TRIM67: variants seen among roughly 807,000 people sequenced by gnomAD.
TRIM67 encodes the protein tripartite motif containing 67, also known as tripartite motif-containing protein 67.
In TRIM67, 39 loss-of-function variants were observed where a neutral mutation model predicts 71.0. The observed-to-expected ratio is 0.55, with a 90% CI of 0.43 to 0.72. The LOEUF (loss-of-function observed/expected upper bound fraction) is 0.72. Ranked by LOEUF, TRIM67 falls within the 30% of genes least tolerant of loss-of-function variation. The pLI is 0.00. For synonymous variants in TRIM67, 481 were observed against 473.9 expected (o/e 1.01, Z -0.19); for missense variants, 973 against 1,079.2 (o/e 0.90, Z 1.38).
chr1:231,167,196 A>G (rs1682490915), intron 1 of TRIM67, among the ~76,000 whole-genome samples: 1 of 151,980 alleles, frequency 6.6e-6, no homozygotes. Flanking sequence ...GAAGAGCCTT[A>G]AAAGAAAATC....
intron 1 of TRIM67, among the ~76,000 whole-genome samples, chr1:231,190,758 G>A (rs1235948293): frequency 3.3e-5 from 5 of 152,286 alleles, no homozygotes; most frequent in African/African-American, 9.6e-5. Flanking sequence ...GACTGGGAGC[G>A]GGGAAGCCGG....
Position 231,163,360 on chromosome 1 carries a change from G to T in TRIM67, c.391G>T (p.Val131Leu). The T allele has an allele frequency of 6.5e-7, 1 of 1,533,886 alleles. No individual in the cohort carries two copies. The highest frequency in any genetic ancestry group is 2.6e-5 in the East Asian group (1 of 39,186). Residue 131 changes from valine to leucine, a missense_variant, in exon 1 of 10, where the codon GTG becomes TTG. By Grantham distance (32) the Val-to-Leu change is conservative. This residue lies in a region of TRIM67 where 795 missense variants were observed against 831.3 expected (regional missense o/e 0.96). Coordinates refer to ENST00000366653, the MANE Select transcript of TRIM67 (RefSeq NM_001004342.5). ...SPNGVRVLPM[V>L]PAPPGSSAAA... Reference sequence around the variant, plus strand: ...CAACGGGGTTCGCGTGCTGCCCATGGTGCCCGCACCACCCGGCTCCTCGGC... The same window carrying T: ...CAACGGGGTTCGCGTGCTGCCCATGTTGCCCGCACCACCCGGCTCCTCGGC...
At chr1:231,174,205 C>T (rs1208040955) in intron 1 of TRIM67, among the ~76,000 whole-genome samples, 2 of 143,068 alleles carry the variant, frequency 1.4e-5, no homozygotes, top group East Asian at 4.0e-4. Flanking sequence ...GTTTCCCAGG[C>T]TGTAGTGCAG....
At chr1:231,208,827 C>G in intron 7 of TRIM67, 120 bp from the exon 8 acceptor site, 1 of 930,822 alleles carries the variant, frequency 1.1e-6, no homozygotes, top group South Asian at 1.6e-5. Flanking sequence ...AGGAAAGACC[C>G]TTCACTTCTG....
In TRIM67 at chr1:231,209,299, A is replaced by T; in HGVS notation, c.2123+49A>T. The T allele has an allele frequency of 6.7e-7, 1 of 1,489,442 alleles. No homozygotes were observed. Among genetic ancestry groups the T allele is most frequent in the Non-Finnish European group, 9.0e-7 (1 of 1,115,124 alleles). 92.3% of individuals were successfully genotyped at this position (1,489,442 alleles called of 1,614,324 possible). On this transcript the variant is annotated intron_variant, in intron 8 of 9. Coordinates refer to ENST00000366653, the MANE Select transcript of TRIM67 (RefSeq NM_001004342.5). The surrounding 1 kb of genome is among the most constrained non-coding windows in gnomAD (Gnocchi z 4.1). ...TCCCGTGGACACAGGTTGTTTGGGA[A>T]TGAGGGTCCTGAAGACCAGTGTCCC...
At chr1:231,184,473 G>A (rs1430197350) in intron 1 of TRIM67, 2 of 154,514 alleles carry the variant, frequency 1.3e-5, no homozygotes, top group Non-Finnish European at 2.9e-5. Context: ...ATGGCTTTCA[G>A]CGCCACTCAG....
chr1:231,220,106 G>T lies in TRIM67; in HGVS notation c.*4666G>T, dbSNP rs2102772791. 1.2e-5 allele frequency: 7 copies of T among 565,590 alleles called. No homozygotes were observed. The highest frequency in any genetic ancestry group is 1.2e-4 in the South Asian group (7 of 56,838). The allele number at this position is 565,590 out of a possible 1,614,324, so 35.0% of individuals were successfully genotyped here. ...ACAATAACATTTTTAAAGAAAAAAA[G>T]TGCAGTCTTTCATCTCTGGCATCTA... On this transcript the variant is annotated 3_prime_UTR_variant, in exon 10 of 10. Transcript: ENST00000366653.
intron 1 of TRIM67, 59 bp from the exon 2 acceptor site, chr1:231,197,312 C>A: frequency 6.7e-7 from 1 of 1,488,352 alleles, no homozygotes; most frequent in Non-Finnish European, 9.4e-7. Flanking sequence ...TGATGAAGTG[C>A]AAATTTTCTG....
At chr1:231,188,798 G>C (rs1020654926) in intron 1 of TRIM67, among the ~76,000 whole-genome samples, 2 of 152,178 alleles carry the variant, frequency 1.3e-5, no homozygotes, top group African/African-American at 4.8e-5. Flanking sequence ...GCTGTCGGTT[G>C]TTATTCTTAT....
chr1:231,170,315 C>T (rs1260054161), intron 1 of TRIM67, among the ~76,000 whole-genome samples: 1 of 152,024 alleles, frequency 6.6e-6, no homozygotes, highest in Non-Finnish European at 1.5e-5. Flanking sequence ...CTTTCCTTGT[C>T]ACACACATCT....
intron 1 of TRIM67, among the ~76,000 whole-genome samples, chr1:231,179,659 G>A (rs1343072068): frequency 6.6e-6 from 1 of 152,182 alleles, no homozygotes; most frequent in African/African-American, 2.4e-5. Flanking sequence ...AGGCATAAAT[G>A]GGTTTGGGTG....
Position 231,220,166 on chromosome 1 carries a change from G to A in TRIM67, c.*4726G>A, listed in dbSNP as rs11586657. 3 of 381,024 alleles carry A rather than the reference G, an allele frequency of 7.9e-6. No individual in the cohort carries two copies. Among genetic ancestry groups the A allele is most frequent in the African/African-American group, 2.1e-5 (1 of 47,166 alleles). 23.6% of individuals were successfully genotyped at this position (381,024 alleles called of 1,614,324 possible). On this transcript the variant is annotated 3_prime_UTR_variant, in exon 10 of 10. Coordinates refer to ENST00000366653, the MANE Select transcript of TRIM67 (RefSeq NM_001004342.5). Reference sequence around the variant, plus strand: ...TTCCCATTCAGTGACTCAAACCTGTGGGGGGCGTTCCAGTGTTCTCTGACC... The same window carrying A: ...TTCCCATTCAGTGACTCAAACCTGTAGGGGGCGTTCCAGTGTTCTCTGACC...
At chr1:231,180,793 C>T (rs551236432) in intron 1 of TRIM67, among the ~76,000 whole-genome samples, 2 of 152,292 alleles carry the variant, frequency 1.3e-5, no homozygotes, top group East Asian at 1.9e-4. Context: ...TGTCTGAATG[C>T]GGAGGCCATG....
intron 5 of TRIM67, among the ~76,000 whole-genome samples, chr1:231,202,131 A>AGG (rs1558304067): frequency 1.4e-3 from 2 of 1,454 alleles, no homozygotes; most frequent in Non-Finnish European, 3.1e-3. Context: ...GGAGGAGGAG[A>AGG]TGGAGGAGGA....
chr1:231,173,398 A>T (rs937501947), intron 1 of TRIM67, among the ~76,000 whole-genome samples: 1 of 152,218 alleles, frequency 6.6e-6, no homozygotes, highest in African/African-American at 2.4e-5. Context: ...AAATACCAAT[A>T]GTACTTAGGC....
At chr1:231,194,053 G>A (rs576421327) in intron 1 of TRIM67, among the ~76,000 whole-genome samples, 2 of 152,262 alleles carry the variant, frequency 1.3e-5, no homozygotes, top group Admixed American at 6.5e-5. Context: ...TGAACCAACC[G>A]CACTGGCACG....
At chr1:231,180,734 G>A (rs915561669) in intron 1 of TRIM67, among the ~76,000 whole-genome samples, 1 of 152,230 alleles carries the variant, frequency 6.6e-6, no homozygotes, top group African/African-American at 2.4e-5. Context: ...CTCTGTAGGA[G>A]AGTAAGAACT....
At chr1:231,164,098 C>T (rs1412302480) in intron 1 of TRIM67, 85 bp downstream of exon 1, 4 of 1,342,930 alleles carry the variant, frequency 3.0e-6, no homozygotes, top group African/African-American at 3.0e-5. Context: ...GGAGAGCTGA[C>T]AGAAAGTCGG....
intron 8 of TRIM67, among the ~76,000 whole-genome samples, chr1:231,211,567 C>T (rs561162764): frequency 8.1e-4 from 123 of 152,292 alleles, no homozygotes; most frequent in African/African-American, 2.5e-3. Context: ...CCTGCCGGAT[C>T]CCGCCCCGGG....
Sources: allele counts gnomAD v4.1 joint callset (sites outside exome capture counted in the v4.1 genomes callset), GRCh38; gene constraint gnomAD v4.1.1; regional missense constraint gnomAD v4.1.1; non-coding constraint Gnocchi (gnomAD v3.1); transcripts MANE v1.5; gene names NCBI Gene and HGNC (gene_info 2026-07-23, HGNC 2026-07-21).